The following NEO1 variants were observed in gnomAD, a reference collection of about 807,000 sequenced individuals.
NEO1 encodes neogenin.
In NEO1, 63 loss-of-function variants were observed where a neutral mutation model predicts 159.7. That is an observed-to-expected ratio of 0.39 (90% CI 0.32 to 0.49). NEO1 has a LOEUF of 0.49. Among genes scored for constraint, NEO1 ranks in the 20% least tolerant of loss-of-function variants. NEO1 has a pLI of 0.85. For missense variants in NEO1, 1,615 were observed against 1,831.0 expected, an observed-to-expected ratio of 0.88 and a Z score of 2.15; for synonymous variants, 633 against 662.0, an observed-to-expected ratio of 0.96 and a Z score of 0.67.
intron 1 of NEO1, among the ~76,000 whole-genome samples, chr15:73,085,881 T>A (rs2069328590): frequency 6.6e-6 from 1 of 152,170 alleles, no homozygotes; most frequent in Non-Finnish European, 1.5e-5. Flanking sequence ...AATTTGCAAA[T>A]ATTTTCTCCC....
At chr15:73,279,879 C>G (rs928189537) in intron 22 of NEO1, among the ~76,000 whole-genome samples, 2 of 152,142 alleles carry the variant, frequency 1.3e-5, no homozygotes, top group African/African-American at 4.8e-5. Flanking sequence ...ACAGCCTGCT[C>G]TCTCCAGGAG....
chr15:73,142,926 C>A (rs965143445), intron 5 of NEO1, among the ~76,000 whole-genome samples: 15 of 152,168 alleles, frequency 9.9e-5, no homozygotes, highest in Non-Finnish European at 2.1e-4. Context: ...CATAGACTTA[C>A]TTGGAAACTA....
At chr15:73,208,795 A>G (rs1220800681) in intron 7 of NEO1, among the ~76,000 whole-genome samples, 1 of 151,830 alleles carries the variant, frequency 6.6e-6, no homozygotes, top group Non-Finnish European at 1.5e-5. Context: ...CCAGGAGGTC[A>G]AGGCTGCAGT....
intron 26 of NEO1, among the ~76,000 whole-genome samples, chr15:73,295,021 G>C (rs1029727523): frequency 1.3e-5 from 2 of 150,716 alleles, no homozygotes; most frequent in Non-Finnish European, 3.0e-5. Flanking sequence ...GCTCATGCCT[G>C]TAATTCTAGC....
chr15:73,064,102 C>T (rs541426435), intron 1 of NEO1, among the ~76,000 whole-genome samples: 101 of 152,276 alleles, frequency 6.6e-4, no homozygotes, highest in Non-Finnish European at 8.7e-4. Flanking sequence ...TTTATTTCTT[C>T]TTCAGAGTAG....
At chr15:73,218,367 G>A (rs1298001577) in intron 7 of NEO1, among the ~76,000 whole-genome samples, 1 of 151,190 alleles carries the variant, frequency 6.6e-6, no homozygotes, top group Non-Finnish European at 1.5e-5. Context: ...TGTTCATCAA[G>A]GATATTGGTC....
chr15:73,128,718 A>G (rs1373769966), intron 4 of NEO1, among the ~76,000 whole-genome samples: 4 of 152,332 alleles, frequency 2.6e-5, no homozygotes, highest in African/African-American at 7.2e-5. Flanking sequence ...TAAGATTGCT[A>G]TTTTATACAA....
In NEO1 at chr15:73,055,308, C is replaced by A. The variant is rs887253494; in HGVS notation, c.130+2503C>A. ...GAACCATTTATTTCATGATGTGATT[C>A]ATTGCCTTACAGGGTAGTCCATTTC... is the stretch of plus-strand genomic sequence containing the variant. On this transcript the variant is annotated intron_variant, in intron 1 of 28. Coordinates refer to ENST00000261908, the MANE Select transcript of NEO1 (RefSeq NM_002499.4). Among the ~76,000 whole-genome samples, 9 of 152,296 alleles carry A rather than the reference C, an allele frequency of 5.9e-5. No individual in the cohort carries two copies. In the South Asian group the frequency reaches 6.2e-4, roughly 11 times the overall value.
Position 73,111,366 on chromosome 15 carries a change from G to C in NEO1, c.131-5174G>C, listed in dbSNP as rs549131754. 2.6e-5 allele frequency among the ~76,000 whole-genome samples: 4 copies of C among 152,238 alleles called. No individual in the cohort carries two copies. The South Asian group carries it at 8.3e-4, about 32-fold the overall frequency. ...TTTCATAATGTTCCTCTCCTGTGCA[G>C]ACGATATGTGTGTATGAATTTATGA... is the stretch of plus-strand genomic sequence containing the variant. On this transcript the variant is annotated intron_variant, in intron 1 of 28. Coordinates refer to ENST00000261908, the MANE Select transcript of NEO1 (RefSeq NM_002499.4).
chr15:73,292,674 G>A (rs905694919), intron 25 of NEO1, among the ~76,000 whole-genome samples: 6 of 152,212 alleles, frequency 3.9e-5, no homozygotes, highest in Admixed American at 2.6e-4. Context: ...GTGTGGGAAG[G>A]AAAGAGCCAT....
chr15:73,227,657 G>A (rs536308046), intron 7 of NEO1, among the ~76,000 whole-genome samples: 4 of 152,312 alleles, frequency 2.6e-5, no homozygotes, highest in Admixed American at 2.0e-4. Flanking sequence ...AGGTCAGAGC[G>A]GACAGCAATG....
Position 73,247,955 on chromosome 15 carries a change from A to G in NEO1, c.1607-1105A>G, listed in dbSNP as rs2039881837. ...ACATCCTATCGTGGGTATTGTAGTA[A>G]TCTCCTTACGGGTCTTCTTGAGCCC... On this transcript the variant is annotated intron_variant, in intron 9 of 28. Transcript: ENST00000261908. 2.6e-5 allele frequency among the ~76,000 whole-genome samples: 4 copies of G among 152,234 alleles called. 1 individual carries two copies. The South Asian group carries it at 8.3e-4, about 32-fold the overall frequency.
At chr15:73,181,556 T>G (rs2035612972) in intron 7 of NEO1, among the ~76,000 whole-genome samples, 1 of 152,080 alleles carries the variant, frequency 6.6e-6, no homozygotes, top group African/African-American at 2.4e-5. Context: ...CTCAGGAAGC[T>G]TCCAATCATG....
intron 26 of NEO1, 99 bp from the exon 27 acceptor site, chr15:73,298,249 T>C (rs1158113722): frequency 2.1e-6 from 3 of 1,448,782 alleles, no homozygotes; most frequent in Non-Finnish European, 2.8e-6. Flanking sequence ...GCAAGTGCTA[T>C]TGAGCTGGTT....
chr15:73,120,238 C>T (rs1294012186), intron 2 of NEO1, among the ~76,000 whole-genome samples: 1 of 151,752 alleles, frequency 6.6e-6, no homozygotes, highest in Non-Finnish European at 1.5e-5. Context: ...CCAACTTGAT[C>T]AAATTCTGTG....
At chr15:73,300,210 A>G (rs1397869139) in intron 27 of NEO1, among the ~76,000 whole-genome samples, 1 of 152,220 alleles carries the variant, frequency 6.6e-6, no homozygotes. Context: ...TCTCAAGACC[A>G]TGGTGGCGGA....
chr15:73,158,409 A>T (rs990003563), intron 5 of NEO1, among the ~76,000 whole-genome samples: 1 of 151,370 alleles, frequency 6.6e-6, no homozygotes, highest in Non-Finnish European at 1.5e-5. Context: ...TATTATTACC[A>T]TTTTTTTGAG....
chr15:73,238,262 T>G (rs1476773370), intron 8 of NEO1, among the ~76,000 whole-genome samples: 2 of 144,318 alleles, frequency 1.4e-5, no homozygotes, highest in African/African-American at 5.1e-5. Flanking sequence ...TGTTTCGCTT[T>G]TAGTTTGGGT....
chr15:73,224,399 A>G (rs1197542432), intron 7 of NEO1, among the ~76,000 whole-genome samples: 2 of 152,214 alleles, frequency 1.3e-5, no homozygotes, highest in African/African-American at 2.4e-5. Flanking sequence ...TTTTCCAAAT[A>G]TGTTTTCCAA....
Sources: allele counts gnomAD v4.1 joint callset (sites outside exome capture counted in the v4.1 genomes callset), GRCh38; gene constraint gnomAD v4.1.1; transcripts MANE v1.5; gene names NCBI Gene and HGNC (gene_info 2026-07-23, HGNC 2026-07-21).